WWC1: variants seen among roughly 807,000 people sequenced by gnomAD.
WWC1 encodes the protein WW and C2 domain containing 1.
WWC1 carries 55 observed loss-of-function variants against 138.4 expected under a neutral mutation model. The observed-to-expected ratio is 0.40, with a 90% confidence interval of 0.32 to 0.50. The LOEUF (loss-of-function observed/expected upper bound fraction) is 0.50, where lower values mean the gene tolerates loss of function less well. WWC1 is among the 20% of genes least tolerant of loss of function. The pLI, the probability that WWC1 is intolerant of heterozygous loss-of-function variation, is 0.72. For synonymous variants in WWC1, 524 were observed against 564.9 expected (o/e 0.93, Z 1.03); for missense variants, 1,226 against 1,420.4 (o/e 0.86, Z 2.20).
intron 3 of WWC1, among the ~76,000 whole-genome samples, chr5:168,390,258 C>T (rs1330628539): frequency 1.3e-5 from 2 of 152,110 alleles, no homozygotes; most frequent in Admixed American, 1.3e-4. Context: ...TATTCTTAAG[C>T]TCTCAGTAAA....
chr5:168,328,884 C>G (rs753415924), intron 1 of WWC1, among the ~76,000 whole-genome samples: 11 of 152,172 alleles, frequency 7.2e-5, no homozygotes, highest in African/African-American at 2.2e-4. Context: ...TGCATGACCT[C>G]GGTGTCTGGT....
At position 168,371,426 on chromosome 5, in the gene WWC1, A is replaced by T. The variant is rs547666896; in HGVS notation, c.122A>T (p.Tyr41Phe). The change falls in exon 2 of 23, where the codon TAC becomes TTC. Residue 41 changes from tyrosine (Y) to phenylalanine (F), a missense_variant and splice_region_variant. Physicochemically the swap from Tyr to Phe is conservative, Grantham distance 22 (BLOSUM62 3). Coordinates refer to ENST00000265293, the MANE Select transcript of WWC1 (RefSeq NM_015238.3). ...CTGTTTCTCCTCTCCCTTGCCAGGTACACCAAACCGCTCACCTTTGCTGAC... is the reference window on the plus strand; with the variant it reads ...CTGTTTCTCCTCTCCCTTGCCAGGTTCACCAAACCGCTCACCTTTGCTGAC... Reference protein sequence around the residue: ...TTSWIDPRDRYTKPLTFADCI... With the variant: ...TTSWIDPRDRFTKPLTFADCI... 7.4e-6 allele frequency: 12 copies of T among 1,613,660 alleles called. No homozygotes were observed. In the African/African-American group the frequency reaches 1.6e-4, roughly 22 times the overall value.
At chr5:168,327,666 C>T (rs1169823055) in intron 1 of WWC1, among the ~76,000 whole-genome samples, 2 of 152,194 alleles carry the variant, frequency 1.3e-5, no homozygotes, top group Non-Finnish European at 2.9e-5. Context: ...TGCTTTGTCT[C>T]TGCAGTAAGG....
chr5:168,429,094 CAG>C (rs1781737908), intron 13 of WWC1, among the ~76,000 whole-genome samples: 1 of 152,154 alleles, frequency 6.6e-6, no homozygotes, highest in Admixed American at 6.5e-5. Flanking sequence ...TCCTGCCTCT[CAG>C]TGTGTTTGTT....
chr5:168,306,692 G>A (rs756068248), intron 1 of WWC1, among the ~76,000 whole-genome samples: 11 of 152,132 alleles, frequency 7.2e-5, no homozygotes, highest in Non-Finnish European at 1.0e-4. Flanking sequence ...TGCCTCCTGG[G>A]TTCAAGTACT....
intron 3 of WWC1, among the ~76,000 whole-genome samples, chr5:168,390,651 CAGAT>C (rs1303572595): frequency 6.6e-6 from 1 of 152,224 alleles, no homozygotes; most frequent in Non-Finnish European, 1.5e-5. Flanking sequence ...CTTGGCATGA[CAGAT>C]GGATGAAGTC....
intron 19 of WWC1, among the ~76,000 whole-genome samples, chr5:168,457,404 C>A (rs1756435031): frequency 6.6e-6 from 1 of 152,178 alleles, no homozygotes; most frequent in African/African-American, 2.4e-5. Context: ...AAATTCCCAA[C>A]AGAGACATGC....
rs1779470450 is a variant in WWC1, at chr5:168,403,051, TTTCTTTCTTTCTTTC to T, written c.591-3144_591-3130del. 2.2e-5 allele frequency among the ~76,000 whole-genome samples: 3 copies of T among 136,388 alleles called. 1 individual carries two copies. The highest frequency in any genetic ancestry group is 9.0e-5 in the African/African-American group (3 of 33,428). 89.5% of individuals were successfully genotyped at this position (136,388 alleles called of 152,430 possible). On this transcript the variant is annotated intron_variant, in intron 5 of 22. Transcript: ENST00000265293. ...CTTTCTTTCTTTCTTTCTTTCTTTC[TTTCTTTCTTTCTTTC>T]TTTCTTTCTTTCTTTTCTTTCTTTT... is the stretch of plus-strand genomic sequence containing the variant.
At chr5:168,369,895 A>ATTTTTTTTT (rs35999257) in intron 1 of WWC1, among the ~76,000 whole-genome samples, 3 of 89,010 alleles carry the variant, frequency 3.4e-5, no homozygotes, top group East Asian at 6.9e-4. Context: ...TCATTGTGCA[A>ATTTTTTTTT]TTTTTTTTTT....
rs561977780 is a variant in WWC1 at position 168,321,524 on chromosome 5, G to A, written c.119+29253G>A. Among the ~76,000 whole-genome samples, 4 of 151,344 alleles carry A rather than the reference G, an allele frequency of 2.6e-5. No homozygotes were observed. The South Asian group carries it at 8.4e-4, about 32-fold the overall frequency. On this transcript the variant is annotated intron_variant, in intron 1 of 22. Transcript: ENST00000265293. The stretch of plus-strand genomic sequence containing the variant: ...GGTTCAGTATTTGCCTTCTCTCATA[G>A]GGCAATATCCTTTTTTTTTTTTTTT...
chr5:168,404,759 G>A lies in WWC1; in HGVS notation c.591-1439G>A, dbSNP rs138554531. On this transcript the variant is annotated intron_variant, in intron 5 of 22. Coordinates refer to ENST00000265293, the MANE Select transcript of WWC1 (RefSeq NM_015238.3). ...TGAAACCTCAGGCCTAGCCTTTGGC[G>A]AAAGTGTGATGTAGTTAAAATGCAT... 1.4e-3 allele frequency among the ~76,000 whole-genome samples: 207 copies of A among 152,226 alleles called. 1 individual carries two copies. The highest frequency in any genetic ancestry group is 4.5e-3 in the African/African-American group (188 of 41,530).
At chr5:168,330,221 A>C (rs1772914337) in intron 1 of WWC1, among the ~76,000 whole-genome samples, 1 of 152,198 alleles carries the variant, frequency 6.6e-6, no homozygotes, top group Non-Finnish European at 1.5e-5. Context: ...CTAGGAATGC[A>C]ACAATGCATT....
intron 18 of WWC1, 119 bp from the exon 19 acceptor site, chr5:168,455,237 G>A: frequency 7.9e-7 from 1 of 1,270,400 alleles, no homozygotes; most frequent in Non-Finnish European, 1.1e-6. Context: ...AGGAAACCCT[G>A]GTTGTGTCTG....
chr5:168,389,257 G>A (rs569117080), intron 3 of WWC1, among the ~76,000 whole-genome samples: 102 of 152,074 alleles, frequency 6.7e-4, no homozygotes, highest in African/African-American at 2.3e-3. Flanking sequence ...GACCATCCCA[G>A]CCAACATGGT....
chr5:168,417,575 G>T (rs973777681), intron 9 of WWC1, among the ~76,000 whole-genome samples: 3 of 152,078 alleles, frequency 2.0e-5, no homozygotes, highest in Non-Finnish European at 4.4e-5. Context: ...AACCCCAGAG[G>T]CTGTGCTCCC....
At chr5:168,404,029 G>A (rs1779596227) in intron 5 of WWC1, among the ~76,000 whole-genome samples, 7 of 150,880 alleles carry the variant, frequency 4.6e-5, no homozygotes, top group South Asian at 4.2e-4. Flanking sequence ...TCTCAGAGCC[G>A]CTCTCTGGAG....
chr5:168,382,688 G>T (rs755813), intron 2 of WWC1, among the ~76,000 whole-genome samples: 2 of 151,776 alleles, frequency 1.3e-5, no homozygotes, highest in African/African-American at 2.4e-5. Flanking sequence ...TTCCATCTCC[G>T]CCTTGTTTTT....
chr5:168,339,936 TCTCTC>T (rs1254616615), intron 1 of WWC1, among the ~76,000 whole-genome samples: 1 of 129,022 alleles, frequency 7.8e-6, no homozygotes, highest in African/African-American at 3.4e-5. Flanking sequence ...TCTCTCTTTC[TCTCTC>T]TCTCTCCCCC....
At chr5:168,350,091 A>T (rs115975290) in intron 1 of WWC1, among the ~76,000 whole-genome samples, 59 of 152,312 alleles carry the variant, frequency 3.9e-4, no homozygotes, top group African/African-American at 1.4e-3. Flanking sequence ...ATTGGTTCAC[A>T]TACTGGGAAA....
Sources: gnomAD v4.1 joint callset for allele counts (sites outside exome capture counted in the v4.1 genomes callset) on GRCh38, gnomAD v4.1.1 for gene constraint, MANE v1.5 for transcripts, NCBI Gene and HGNC (gene_info 2026-07-23, HGNC 2026-07-21) for gene names.